Variants in ABCC1 observed in about 807,000 individuals in gnomAD.
ABCC1 encodes the protein multidrug resistance-associated protein 1.
In ABCC1, 83 loss-of-function variants were observed where a neutral mutation model predicts 172.9. The ratio of observed to expected loss-of-function variants is 0.48; its 90% CI spans 0.40 to 0.58. ABCC1 has a LOEUF of 0.58. Among genes scored for constraint, ABCC1 ranks in the 20% least tolerant of loss-of-function variants. ABCC1 has a pLI of 0.00. For missense variants in ABCC1, 1,817 were observed against 2,002.7 expected (o/e 0.91, Z 1.77); for synonymous variants, 937 against 825.2 (o/e 1.14, Z -2.32).
chr16:16,127,002 G>A (rs978254744), intron 26 of ABCC1, among the ~76,000 whole-genome samples: 7 of 152,102 alleles, frequency 4.6e-5, no homozygotes, highest in Non-Finnish European at 8.8e-5. Context: ...ACTAGGACCC[G>A]TGCCTCCAGT....
Position 16,105,088 on chromosome 16 carries a change from G to A in ABCC1, c.2736-1650G>A, listed in dbSNP as rs34692171. Among the ~76,000 whole-genome samples, 1,407 of 152,336 alleles carry A rather than the reference G, an allele frequency of 9.2e-3. 18 individuals are homozygous for A. The highest frequency in any genetic ancestry group is 0.015 in the Non-Finnish European group (1,041 of 68,026). On this transcript the variant is annotated intron_variant, in intron 20 of 30. Transcript: ENST00000399410. Reference sequence around the variant, plus strand: ...AAAGGGGCTCCCACAGTGCAGCGGCGGGCTGAAGGGCTCCTCAAGCGCTGC... The same window carrying A: ...AAAGGGGCTCCCACAGTGCAGCGGCAGGCTGAAGGGCTCCTCAAGCGCTGC...
intron 11 of ABCC1, among the ~76,000 whole-genome samples, chr16:16,054,541 C>T (rs183878637): frequency 9.7e-4 from 147 of 151,796 alleles, no homozygotes; most frequent in African/African-American, 3.3e-3. Flanking sequence ...CTGACGATAC[C>T]ACAGGGAGAT....
At chr16:16,067,792 C>T (rs2050167716) in intron 12 of ABCC1, among the ~76,000 whole-genome samples, 1 of 152,052 alleles carries the variant, frequency 6.6e-6, no homozygotes. Context: ...AGTCAGGTGG[C>T]CCCCTGGATG....
At chr16:16,073,912 AG>A (rs1420112929) in intron 14 of ABCC1, among the ~76,000 whole-genome samples, 5 of 152,220 alleles carry the variant, frequency 3.3e-5, no homozygotes, top group Non-Finnish European at 5.9e-5. Context: ...ATACCGCGTG[AG>A]CTGTGTCTGG....
chr16:16,057,527 A>T (rs990258787), intron 12 of ABCC1, among the ~76,000 whole-genome samples: 1 of 148,254 alleles, frequency 6.7e-6, no homozygotes, highest in African/African-American at 2.5e-5. Flanking sequence ...AAATATTGTC[A>T]TCCATTGTAA....
At chr16:15,956,668 G>A (rs1181100193) in intron 1 of ABCC1, among the ~76,000 whole-genome samples, 1 of 152,102 alleles carries the variant, frequency 6.6e-6, no homozygotes, top group Non-Finnish European at 1.5e-5. Context: ...ATTATATACT[G>A]TATTTTTACA....
chr16:15,959,760 G>A (rs2046088066), intron 1 of ABCC1, among the ~76,000 whole-genome samples: 1 of 152,172 alleles, frequency 6.6e-6, no homozygotes. Context: ...TTCATCTCCT[G>A]GGGAGGTTGC....
At chr16:16,125,637 C>G (rs912047716) in intron 25 of ABCC1, among the ~76,000 whole-genome samples, 173 bp from the exon 26 acceptor site, 2 of 151,570 alleles carry the variant, frequency 1.3e-5, no homozygotes, top group South Asian at 4.2e-4. Context: ...TTCGCCACAT[C>G]GGCCAGGCTG....
At chr16:16,110,657 G>A (rs2052346072) in intron 21 of ABCC1, among the ~76,000 whole-genome samples, 1 of 152,184 alleles carries the variant, frequency 6.6e-6, no homozygotes, top group African/African-American at 2.4e-5. Context: ...CCGACGTGCT[G>A]GGATCACAGG....
chr16:15,954,163 C>G (rs1198435696), intron 1 of ABCC1, among the ~76,000 whole-genome samples: 1 of 151,920 alleles, frequency 6.6e-6, no homozygotes, highest in Admixed American at 6.6e-5. Flanking sequence ...GCACAGCCAC[C>G]ATGCCTGGCT....
rs2151915015 is a variant in ABCC1 at position 16,056,269 on chromosome 16, T to C, written c.1651T>C (p.Phe551Leu). The change falls in exon 12 of 31, where the codon TTC becomes CTC. Residue 551 changes from phenylalanine to leucine, a missense_variant. Around this residue, in one of 3 missense-constraint regions of ABCC1, gnomAD observed 1,412 missense variants for 1,600.3 expected, o/e 0.88. Coordinates refer to ENST00000399410, the MANE Select transcript of ABCC1 (RefSeq NM_004996.4). ...KSAYLSAVGT[F>L]TWVCTPFLVA... Reference sequence around the variant, plus strand: ...TGCCTACCTGTCAGCCGTGGGCACCTTCACCTGGGTCTGCACGCCCTTTCT... The same window carrying C: ...TGCCTACCTGTCAGCCGTGGGCACCCTCACCTGGGTCTGCACGCCCTTTCT... The C allele has an allele frequency of 1.2e-6, 2 of 1,614,248 alleles. No homozygotes were observed. The highest frequency in any genetic ancestry group is 2.2e-5 in the East Asian group (1 of 44,886).
intron 11 of ABCC1, among the ~76,000 whole-genome samples, chr16:16,053,469 C>A (rs577606667): frequency 3.3e-5 from 5 of 151,344 alleles, no homozygotes; most frequent in Non-Finnish European, 7.4e-5. Flanking sequence ...GTTTGAATAC[C>A]CAAGTAATAG....
intron 7 of ABCC1, among the ~76,000 whole-genome samples, 171 bp from the exon 8 acceptor site, chr16:16,044,264 GGTGGCTCTGGAGCCC>G (rs45583234): frequency 0.011 from 1,602 of 152,272 alleles, 22 homozygotes; most frequent in African/African-American, 0.032. Flanking sequence ...ACCTTGAGCC[GGTGGCTCTGGAGCCC>G]GTGGCTCTGG....
At chr16:15,998,393 C>T (rs1000575478) in intron 1 of ABCC1, among the ~76,000 whole-genome samples, 54 of 152,320 alleles carry the variant, frequency 3.5e-4, no homozygotes, top group African/African-American at 1.3e-3. Context: ...TCCCAAAGTG[C>T]TGGGTTTACA....
chr16:16,096,013 T>C (rs2051460386), intron 19 of ABCC1, among the ~76,000 whole-genome samples: 1 of 152,190 alleles, frequency 6.6e-6, no homozygotes, highest in Admixed American at 6.5e-5. Flanking sequence ...ATATGTGTAA[T>C]GCCAGGACTT....
At chr16:16,061,572 C>T (rs1389695197) in intron 12 of ABCC1, among the ~76,000 whole-genome samples, 2 of 152,174 alleles carry the variant, frequency 1.3e-5, no homozygotes, top group Non-Finnish European at 2.9e-5. Context: ...CAAGCCCTTC[C>T]TCCTAACACC....
intron 19 of ABCC1, among the ~76,000 whole-genome samples, chr16:16,101,317 A>C (rs2051736068): frequency 6.6e-6 from 1 of 152,096 alleles, no homozygotes; most frequent in Admixed American, 6.5e-5. Flanking sequence ...TACAGGTGTG[A>C]GCCACCGTGC....
At chr16:16,028,187 T>G (rs142538139) in intron 5 of ABCC1, among the ~76,000 whole-genome samples, 1 of 152,256 alleles carries the variant, frequency 6.6e-6, no homozygotes, top group Non-Finnish European at 1.5e-5. Flanking sequence ...CCTCAGTGAT[T>G]AAGGGGTGAT....
At chr16:16,016,372 TCC>T in intron 4 of ABCC1, 122 bp from the exon 5 acceptor site, 1 of 1,258,796 alleles carries the variant, frequency 7.9e-7, no homozygotes, top group Admixed American at 2.0e-5. Flanking sequence ...CAGGATGGTC[TCC>T]AACTCTTGAC....
Sources: gnomAD v4.1 joint callset for allele counts (sites outside exome capture counted in the v4.1 genomes callset) on GRCh38, gnomAD v4.1.1 for gene constraint, gnomAD v4.1.1 regional missense constraint, MANE v1.5 for transcripts, NCBI Gene and HGNC (gene_info 2026-07-23, HGNC 2026-07-21) for gene names.